Variants in CENPW observed in about 807,000 individuals in gnomAD.
CENPW encodes centromere protein W, also known as cancer-up-regulated gene 2 protein.
A neutral mutation model predicts 11.1 loss-of-function variants in CENPW; 3 were observed. That is an observed-to-expected ratio of 0.27 (90% CI 0.12 to 0.70). The LOEUF is 0.70. Among genes scored for constraint, CENPW ranks in the 30% least tolerant of loss-of-function variants. CENPW has a pLI of 0.77. For missense variants in CENPW, 100 were observed against 105.6 expected (o/e 0.95, Z 0.23); for synonymous variants, 38 against 42.0 (o/e 0.91, Z 0.37).
At chr6:126,439,360 C>T in the CENPW span, among the ~76,000 whole-genome samples, 1 of 151,632 alleles carries the variant, frequency 6.6e-6, no homozygotes, top group African/African-American at 2.4e-5. Context: ...TTGAACTTTG[C>T]TTGTCAGATC....
At chr6:126,480,897 AG>A in the CENPW span, among the ~76,000 whole-genome samples, 1 of 152,052 alleles carries the variant, frequency 6.6e-6, no homozygotes, top group Non-Finnish European at 1.5e-5. Flanking sequence ...ATTTTACCAG[AG>A]GTAAAACATT....
chr6:126,481,636 A>G, the CENPW span, among the ~76,000 whole-genome samples: 1 of 152,102 alleles, frequency 6.6e-6, no homozygotes. Flanking sequence ...TTATAACTCA[A>G]TCACCTCTTG....
At chr6:126,418,086 T>C in the CENPW span, among the ~76,000 whole-genome samples, 1 of 152,128 alleles carries the variant, frequency 6.6e-6, no homozygotes, top group Non-Finnish European at 1.5e-5. Context: ...ATAAAAAAGA[T>C]AGACAATACC....
At chr6:126,360,928 A>C in the CENPW span, among the ~76,000 whole-genome samples, 1 of 152,052 alleles carries the variant, frequency 6.6e-6, no homozygotes. Context: ...GGTCATTTCA[A>C]TCTGGTTATG....
the CENPW span, among the ~76,000 whole-genome samples, chr6:126,435,976 C>G: frequency 6.6e-6 from 1 of 151,692 alleles, no homozygotes; most frequent in South Asian, 2.1e-4. Flanking sequence ...TCATTAAAAG[C>G]TTGGCTTATA....
chr6:126,447,275 G>C, the CENPW span, among the ~76,000 whole-genome samples: 2 of 151,130 alleles, frequency 1.3e-5, no homozygotes, highest in Non-Finnish European at 3.0e-5. Flanking sequence ...AACTTTATTA[G>C]AATTTTAGAT....
At chr6:126,398,389 A>T in the CENPW span, among the ~76,000 whole-genome samples, 7 of 152,178 alleles carry the variant, frequency 4.6e-5, no homozygotes, top group Admixed American at 4.6e-4. Context: ...GCCCTGAATT[A>T]AATACAGTCC....
chr6:126,415,489 T>C, the CENPW span, among the ~76,000 whole-genome samples: 8 of 152,154 alleles, frequency 5.3e-5, no homozygotes, highest in East Asian at 1.9e-4. Context: ...TTGAGACTTA[T>C]AGAAGTTAAA....
the CENPW span, among the ~76,000 whole-genome samples, chr6:126,362,329 C>A: frequency 1.3e-5 from 2 of 152,286 alleles, no homozygotes; most frequent in Non-Finnish European, 2.9e-5. Context: ...ATCCCTCTGC[C>A]AATTCACAGG....
At chr6:126,448,703 G>C in the CENPW span, among the ~76,000 whole-genome samples, 4 of 150,892 alleles carry the variant, frequency 2.7e-5, no homozygotes, top group Non-Finnish European at 5.9e-5. Context: ...AGGCTTTGCT[G>C]TCACTGGTAC....
At chr6:126,389,848 G>A in the CENPW span, among the ~76,000 whole-genome samples, 2 of 151,776 alleles carry the variant, frequency 1.3e-5, no homozygotes, top group Non-Finnish European at 2.9e-5. Context: ...CATAGTTAGT[G>A]GAAAAGGACT....
chr6:126,341,227 A>G (rs1006144669), intron 1 of CENPW, among the ~76,000 whole-genome samples: 1 of 152,182 alleles, frequency 6.6e-6, no homozygotes, highest in Non-Finnish European at 1.5e-5. Flanking sequence ...CTATTTCTCT[A>G]GGTTTAAACC....
At chr6:126,343,197 G>T (rs1457073141) in intron 1 of CENPW, among the ~76,000 whole-genome samples, 1 of 152,072 alleles carries the variant, frequency 6.6e-6, no homozygotes, top group Non-Finnish European at 1.5e-5. Flanking sequence ...CTTATTGATG[G>T]AATAGCTTAC....
At chr6:126,361,103 A>C in the CENPW span, among the ~76,000 whole-genome samples, 3 of 152,196 alleles carry the variant, frequency 2.0e-5, no homozygotes, top group Non-Finnish European at 4.4e-5. Flanking sequence ...TTCGCGATGC[A>C]TTCAGAGGGT....
the CENPW span, among the ~76,000 whole-genome samples, chr6:126,370,906 C>T: frequency 6.6e-6 from 1 of 151,940 alleles, no homozygotes. Flanking sequence ...GTGCCCACCA[C>T]CACGCCTGGC....
At chr6:126,406,338 C>A in the CENPW span, among the ~76,000 whole-genome samples, 15 of 152,090 alleles carry the variant, frequency 9.9e-5, no homozygotes, top group African/African-American at 3.6e-4. Flanking sequence ...TGTTGGATTT[C>A]ATTTACTAGT....
chr6:126,401,438 C>T, the CENPW span, among the ~76,000 whole-genome samples: 1 of 151,878 alleles, frequency 6.6e-6, no homozygotes, highest in African/African-American at 2.4e-5. Context: ...TGGGATTGTC[C>T]TGTTTTTCTG....
At chr6:126,455,551 G>A in the CENPW span, among the ~76,000 whole-genome samples, 1 of 151,200 alleles carries the variant, frequency 6.6e-6, no homozygotes, top group African/African-American at 2.4e-5. Flanking sequence ...AACAAACTAG[G>A]TATTGAAGCA....
the CENPW span, among the ~76,000 whole-genome samples, chr6:126,408,222 C>G: frequency 6.6e-6 from 1 of 152,084 alleles, no homozygotes; most frequent in Non-Finnish European, 1.5e-5. Context: ...AATCTGTTCT[C>G]AGCCACTAAA....
Sources: allele counts gnomAD v4.1 joint callset (sites outside exome capture counted in the v4.1 genomes callset), GRCh38; gene constraint gnomAD v4.1.1; transcripts MANE v1.5; gene names NCBI Gene and HGNC (gene_info 2026-07-23, HGNC 2026-07-21).